The following NR6A1 variants were observed in gnomAD, a reference collection of about 807,000 sequenced individuals.
NR6A1 encodes the protein nuclear receptor subfamily 6 group A member 1.
In NR6A1, 7 loss-of-function variants were observed where a neutral mutation model predicts 59.1. The observed-to-expected ratio is 0.12, with a 90% CI of 0.07 to 0.22. The LOEUF is 0.22. Ranked by LOEUF, NR6A1 falls within the 10% of genes least tolerant of loss-of-function variation. The pLI is 1.00. For synonymous variants in NR6A1, 243 were observed against 236.1 expected, an observed-to-expected ratio of 1.03 and a Z score of -0.27; for missense variants, 468 against 611.6, an observed-to-expected ratio of 0.77 and a Z score of 2.48.
chr9:124,630,768 TC>T (rs1271102197), intron 2 of NR6A1, among the ~76,000 whole-genome samples: 2 of 148,760 alleles, frequency 1.3e-5, no homozygotes, highest in African/African-American at 5.0e-5. Flanking sequence ...AACCTCTGCT[TC>T]CCGGGTTCAA....
At chr9:124,553,936 C>T (rs1833856916) in intron 3 of NR6A1, among the ~76,000 whole-genome samples, 1 of 152,132 alleles carries the variant, frequency 6.6e-6, no homozygotes, top group Admixed American at 6.5e-5. Context: ...GCATGCCTAG[C>T]CTCTGAGTAC....
intron 2 of NR6A1, among the ~76,000 whole-genome samples, chr9:124,680,085 T>C (rs1184264645): frequency 7.2e-6 from 1 of 138,528 alleles, no homozygotes; most frequent in Non-Finnish European, 1.5e-5. Flanking sequence ...TGTCTGTGTG[T>C]ATGTATGTGT....
In NR6A1 at chr9:124,554,546, T is replaced by G. The variant is rs1425923688; in HGVS notation, c.167A>C (p.Glu56Ala). The G allele has an allele frequency of 3.7e-6, 6 of 1,614,182 alleles. No homozygotes were observed. The highest frequency in any genetic ancestry group is 1.3e-5 in the African/African-American group (1 of 75,042). ...CCCACAAATGAGACAGGTTCGTTGT[T>G]CAGCCCGATCATCTGAAACAGAAAC... ...GTISVSDDRA[E>A]QRTCLICGDR... Residue 56 changes from glutamate to alanine, a missense_variant, in exon 3 of 10, where the codon GAA becomes GCA. Coordinates refer to ENST00000487099, the MANE Select transcript of NR6A1 (RefSeq NM_033334.4).
chr9:124,713,476 A>G (rs1308291311), intron 2 of NR6A1, among the ~76,000 whole-genome samples: 2 of 152,214 alleles, frequency 1.3e-5, no homozygotes, highest in Non-Finnish European at 2.9e-5. Flanking sequence ...ATGGATGAAA[A>G]TATTTGCAAA....
At chr9:124,550,381 T>TC (rs1833738223) in intron 3 of NR6A1, among the ~76,000 whole-genome samples, 1 of 143,178 alleles carries the variant, frequency 7.0e-6, no homozygotes, top group South Asian at 2.1e-4. Flanking sequence ...GTGAATTTTT[T>TC]TTTTTTTTTT....
chr9:124,725,732 G>A (rs568233944), intron 2 of NR6A1, among the ~76,000 whole-genome samples: 3 of 152,314 alleles, frequency 2.0e-5, no homozygotes, highest in African/African-American at 7.2e-5. Context: ...GAGCCCAGGA[G>A]TTTGAGACCA....
chr9:124,702,702 A>C (rs1156327321), intron 2 of NR6A1, among the ~76,000 whole-genome samples: 2 of 151,998 alleles, frequency 1.3e-5, no homozygotes, highest in Non-Finnish European at 2.9e-5. Context: ...TTCTCTTGCC[A>C]TGTGATGTGC....
chr9:124,557,979 T>A (rs1296243506), intron 2 of NR6A1, among the ~76,000 whole-genome samples: 1 of 152,220 alleles, frequency 6.6e-6, no homozygotes, highest in Non-Finnish European at 1.5e-5. Context: ...CTGACTCATG[T>A]AATCCTCAAA....
chr9:124,761,544 C>T (rs1284816406), intron 1 of NR6A1, among the ~76,000 whole-genome samples: 1 of 152,182 alleles, frequency 6.6e-6, no homozygotes, highest in Non-Finnish European at 1.5e-5. Flanking sequence ...GGATATTCTT[C>T]GACCAGAGGA....
chr9:124,626,597 CTTTTTG>C (rs1836246884), intron 2 of NR6A1, among the ~76,000 whole-genome samples: 1 of 152,140 alleles, frequency 6.6e-6, no homozygotes, highest in Non-Finnish European at 1.5e-5. Flanking sequence ...CCAAAAGTCA[CTTTTTG>C]GCCTGCTGCC....
At chr9:124,543,390 G>A (rs188051435) in intron 4 of NR6A1, among the ~76,000 whole-genome samples, 17 of 152,282 alleles carry the variant, frequency 1.1e-4, no homozygotes, top group African/African-American at 3.1e-4. Flanking sequence ...GGATTGAATG[G>A]GGGTATTATC....
chr9:124,725,972 T>C (rs1375864734), intron 2 of NR6A1, among the ~76,000 whole-genome samples: 2 of 152,196 alleles, frequency 1.3e-5, no homozygotes, highest in East Asian at 3.8e-4. Flanking sequence ...TCTTGCCAGA[T>C]GTAGCTACTT....
At chr9:124,683,260 GGAAAAGGAAA>G (rs1838230195) in intron 2 of NR6A1, among the ~76,000 whole-genome samples, 1 of 151,616 alleles carries the variant, frequency 6.6e-6, no homozygotes, top group Admixed American at 6.6e-5. Flanking sequence ...AAAAGGAAAA[GGAAAAGGAAA>G]AGACAAGACA....
At chr9:124,598,876 A>C (rs1236505249) in intron 2 of NR6A1, 6 of 711,784 alleles carry the variant, frequency 8.4e-6, no homozygotes, top group Non-Finnish European at 1.6e-5. Context: ...ATTTCTGTGC[A>C]TTCTCAGCAT....
intron 1 of NR6A1, among the ~76,000 whole-genome samples, chr9:124,752,331 T>G (rs1019801430): frequency 5.1e-4 from 78 of 152,036 alleles, no homozygotes; most frequent in African/African-American, 1.8e-3. Flanking sequence ...TCAAAAAGTT[T>G]TAAAGATAAA....
intron 2 of NR6A1, among the ~76,000 whole-genome samples, chr9:124,701,092 T>TAA (rs1272700061): frequency 1.3e-5 from 2 of 152,196 alleles, no homozygotes; most frequent in Non-Finnish European, 2.9e-5. Flanking sequence ...CATAAGTTTT[T>TAA]AATTCTCTTG....
At chr9:124,627,882 CTTTTTTTTTTTTTTT>C (rs59874800) in intron 2 of NR6A1, among the ~76,000 whole-genome samples, 9 of 83,778 alleles carry the variant, frequency 1.1e-4, no homozygotes, top group South Asian at 1.0e-3. Context: ...CTGAGATTTT[CTTTTTTTTTTTTTTT>C]TTTTTTTTTT....
chr9:124,566,178 C>A (rs572397978), intron 2 of NR6A1, among the ~76,000 whole-genome samples: 2 of 152,206 alleles, frequency 1.3e-5, no homozygotes, highest in African/African-American at 4.8e-5. Context: ...GAAAGAAGTG[C>A]GAAAGCAAAG....
intron 2 of NR6A1, among the ~76,000 whole-genome samples, chr9:124,694,716 A>G (rs1407210879): frequency 6.6e-6 from 1 of 152,248 alleles, no homozygotes; most frequent in Non-Finnish European, 1.5e-5. Flanking sequence ...AAGAAGAAGC[A>G]GATTCTCATA....
Sources: allele counts gnomAD v4.1 joint callset (sites outside exome capture counted in the v4.1 genomes callset), GRCh38; gene constraint gnomAD v4.1.1; transcripts MANE v1.5; gene names NCBI Gene and HGNC (gene_info 2026-07-23, HGNC 2026-07-21).